CTNND2: variants seen among roughly 807,000 people sequenced by gnomAD.
CTNND2 encodes the protein catenin delta-2.
A neutral mutation model predicts 144.4 loss-of-function variants in CTNND2; 22 were observed. The ratio of observed to expected loss-of-function variants is 0.15; its 90% confidence interval spans 0.11 to 0.22. The LOEUF is 0.22. Among genes scored for constraint, CTNND2 ranks in the 10% least tolerant of loss-of-function variants. The pLI is 1.00. For synonymous variants in CTNND2, 751 were observed against 695.6 expected, an observed-to-expected ratio of 1.08 and a Z score of -1.25; for missense variants, 1,353 against 1,618.8, an observed-to-expected ratio of 0.84 and a Z score of 2.82.
At chr5:11,187,146 G>C (rs998753153) in intron 11 of CTNND2, among the ~76,000 whole-genome samples, 1 of 152,126 alleles carries the variant, frequency 6.6e-6, no homozygotes, top group African/African-American at 2.4e-5. Flanking sequence ...TGTGACAAAG[G>C]TAATAAAGAA....
At chr5:11,170,703 G>T (rs1759818120) in intron 11 of CTNND2, among the ~76,000 whole-genome samples, 1 of 152,104 alleles carries the variant, frequency 6.6e-6, no homozygotes, top group African/African-American at 2.4e-5. Context: ...CTAATTTCAT[G>T]ACTAGATCTT....
chr5:11,246,623 G>A lies in CTNND2; in HGVS notation c.1629-9800C>T, dbSNP rs530758273. ...GTTGTTTTGGGCCACCCAGTTGGTG[G>A]TGCTTTGCTATGGCCACCACCAGGA... is the stretch of plus-strand genomic sequence containing the variant. On this transcript the variant is annotated intron_variant, in intron 9 of 21. Coordinates refer to ENST00000304623, the MANE Select transcript of CTNND2 (RefSeq NM_001332.4). Among the ~76,000 whole-genome samples the A allele has an allele frequency of 6.0e-5, 9 of 149,624 alleles. 1 individual carries two copies. Among genetic ancestry groups the A allele is most frequent in the African/African-American group, 2.2e-4 (9 of 40,780 alleles).
chr5:11,781,623 C>A (rs930363425), intron 1 of CTNND2, among the ~76,000 whole-genome samples: 6 of 152,302 alleles, frequency 3.9e-5, no homozygotes, highest in African/African-American at 1.4e-4. Context: ...TATGAGCAAA[C>A]CTCTGTTTTT....
At chr5:11,425,709 G>C (rs767142274) in intron 3 of CTNND2, among the ~76,000 whole-genome samples, 1 of 152,082 alleles carries the variant, frequency 6.6e-6, no homozygotes, top group Non-Finnish European at 1.5e-5. Context: ...AATGTCCCTG[G>C]AAACCCACTC....
chr5:11,591,900 C>T (rs938847433), intron 2 of CTNND2, among the ~76,000 whole-genome samples: 1 of 151,952 alleles, frequency 6.6e-6, no homozygotes, highest in African/African-American at 2.4e-5. Context: ...TGCTTGGTAA[C>T]AGATTGGGGA....
chr5:11,425,063 T>A (rs994233827), intron 3 of CTNND2, among the ~76,000 whole-genome samples: 2 of 152,262 alleles, frequency 1.3e-5, no homozygotes, highest in African/African-American at 4.8e-5. Context: ...TCATCCATTA[T>A]GTGTAAGATT....
intron 3 of CTNND2, among the ~76,000 whole-genome samples, chr5:11,415,920 T>G (rs1581147374): frequency 6.6e-6 from 1 of 152,100 alleles, no homozygotes; most frequent in Admixed American, 6.6e-5. Flanking sequence ...GATGCATGCC[T>G]GAGTAACTAT....
At chr5:11,450,582 G>A (rs1387035691) in intron 3 of CTNND2, among the ~76,000 whole-genome samples, 3 of 152,132 alleles carry the variant, frequency 2.0e-5, no homozygotes, top group African/African-American at 4.8e-5. Context: ...GGGGTTTCTG[G>A]AAAGAGACTG....
chr5:11,635,726 T>C (rs1448494639), intron 2 of CTNND2, among the ~76,000 whole-genome samples: 1 of 152,152 alleles, frequency 6.6e-6, no homozygotes, highest in Non-Finnish European at 1.5e-5. Context: ...ATCTTTTTTT[T>C]CTTATAACAT....
chr5:11,493,277 T>A (rs141767309), intron 3 of CTNND2, among the ~76,000 whole-genome samples: 153 of 152,240 alleles, frequency 1.0e-3, no homozygotes, highest in African/African-American at 3.4e-3. Flanking sequence ...ACCTGCAGAA[T>A]CCCTGAGTTT....
rs551043128 is a variant in CTNND2, at chr5:11,747,873, T to G, written c.38-15601A>C. Among the ~76,000 whole-genome samples, 9 of 152,266 alleles carry G rather than the reference T, an allele frequency of 5.9e-5. No homozygotes were observed. The East Asian group carries it at 1.5e-3, about 26-fold the overall frequency. On this transcript the variant is annotated intron_variant, in intron 1 of 21. Coordinates refer to ENST00000304623, the MANE Select transcript of CTNND2 (RefSeq NM_001332.4). The stretch of plus-strand genomic sequence containing the variant: ...TCTTACTTCACAGTACTTGAAAGTG[T>G]CCACTCAAATTATGGCAATTTACCC...
At chr5:11,009,445 G>A (rs911007663) in intron 18 of CTNND2, among the ~76,000 whole-genome samples, 3 of 152,200 alleles carry the variant, frequency 2.0e-5, no homozygotes, top group Admixed American at 6.5e-5. Context: ...AACTGATCAC[G>A]CTGTCTCTCA....
At chr5:11,234,719 C>T (rs1268232415) in intron 10 of CTNND2, among the ~76,000 whole-genome samples, 2 of 152,230 alleles carry the variant, frequency 1.3e-5, no homozygotes, top group Non-Finnish European at 2.9e-5. Flanking sequence ...TCAGACTTCC[C>T]TGGGCCATGA....
intron 11 of CTNND2, among the ~76,000 whole-genome samples, chr5:11,195,877 T>C (rs906317321): frequency 1.3e-5 from 2 of 152,216 alleles, no homozygotes; most frequent in African/African-American, 2.4e-5. Flanking sequence ...ATGGCTAGCA[T>C]ACAATAGCTT....
At chr5:11,593,553 T>C (rs1351388723) in intron 2 of CTNND2, among the ~76,000 whole-genome samples, 3 of 152,150 alleles carry the variant, frequency 2.0e-5, no homozygotes, top group African/African-American at 7.2e-5. Flanking sequence ...GGGAGGTAAC[T>C]GAATCATGGG....
At chr5:11,877,060 T>G (rs1023003962) in intron 1 of CTNND2, among the ~76,000 whole-genome samples, 1 of 152,164 alleles carries the variant, frequency 6.6e-6, no homozygotes, top group African/African-American at 2.4e-5. Context: ...AGAAGTGCTG[T>G]TAGCAGATAT....
intron 3 of CTNND2, among the ~76,000 whole-genome samples, chr5:11,518,758 T>C (rs760878572): frequency 2.0e-5 from 3 of 152,222 alleles, no homozygotes; most frequent in Admixed American, 1.3e-4. Context: ...TACAGGTTTA[T>C]AGCCTAGGTG....
At chr5:11,505,794 C>T (rs767015757) in intron 3 of CTNND2, among the ~76,000 whole-genome samples, 57 of 152,060 alleles carry the variant, frequency 3.7e-4, no homozygotes, top group Non-Finnish European at 6.9e-4. Context: ...TGAATTATCC[C>T]CCAAATTACA....
intron 9 of CTNND2, among the ~76,000 whole-genome samples, chr5:11,297,982 C>T (rs537001961): frequency 9.9e-5 from 15 of 152,152 alleles, no homozygotes; most frequent in African/African-American, 3.4e-4. Context: ...GGGGTGAGCA[C>T]AGCCCTGAAA....
Sources: allele counts gnomAD v4.1 joint callset (sites outside exome capture counted in the v4.1 genomes callset), GRCh38; gene constraint gnomAD v4.1.1; transcripts MANE v1.5; gene names NCBI Gene and HGNC (gene_info 2026-07-23, HGNC 2026-07-21).